SRSF9: variants seen among roughly 807,000 people sequenced by gnomAD.
The protein encoded by SRSF9 is serine/arginine-rich splicing factor 9.
A neutral mutation model predicts 25.9 loss-of-function variants in SRSF9; 3 were observed. The ratio of observed to expected loss-of-function variants is 0.12; its 90% CI spans 0.05 to 0.30. The LOEUF is 0.30. Among genes scored for constraint, SRSF9 ranks in the 10% least tolerant of loss-of-function variants. The probability of loss-of-function intolerance (pLI) is 1.00; values close to 1 mark genes in which losing one functional copy is unlikely to be tolerated. For synonymous variants in SRSF9, 114 were observed against 113.2 expected (o/e 1.01, Z -0.05); for missense variants, 161 against 303.5 (o/e 0.53, Z 3.49).
rs967973017 is a variant in SRSF9, at chr12:120,469,679, G to C, written c.-70C>G. 5.0e-5 allele frequency: 52 copies of C among 1,031,200 alleles called. No individual in the cohort carries two copies. The highest frequency in any genetic ancestry group is 6.0e-5 in the Non-Finnish European group (49 of 816,060). The allele number at this position is 1,031,200 out of a possible 1,614,324, so 63.9% of individuals were successfully genotyped here. A position where few individuals can be genotyped will look rare whatever the true frequency, so the allele number is the denominator to read the frequency against. The stretch of plus-strand genomic sequence containing the variant: ...CCGCCGCCTCAGCACGGGTCCCCCC[G>C]CAGCGTCCCCGCGGGCTCCGAGGCG... On this transcript the variant is annotated 5_prime_UTR_variant, in exon 1 of 4. Coordinates refer to ENST00000229390, the MANE Select transcript of SRSF9 (RefSeq NM_003769.3).
intron 1 of SRSF9, among the ~76,000 whole-genome samples, chr12:120,469,028 G>A (rs893664379): frequency 1.3e-5 from 2 of 152,152 alleles, no homozygotes; most frequent in East Asian, 3.9e-4. Flanking sequence ...CGGGCCGGGG[G>A]AGAGGCGAGC....
chr12:120,462,880 C>G (rs1878389788), intron 3 of SRSF9: 1 of 152,188 alleles, frequency 6.6e-6, no homozygotes, highest in Admixed American at 6.5e-5. Context: ...TGGAGTTACC[C>G]TTTCTGAGGC....
At chr12:120,469,365 G>A (rs1878579360) in intron 1 of SRSF9, 57 bp downstream of exon 1, 2 of 1,440,410 alleles carry the variant, frequency 1.4e-6, no homozygotes, top group Non-Finnish European at 1.9e-6. Context: ...GGGGACAGCA[G>A]GGAAGGCGGG....
chr12:120,466,599 G>A (rs1014128225), intron 1 of SRSF9, among the ~76,000 whole-genome samples: 4 of 152,104 alleles, frequency 2.6e-5, no homozygotes, highest in Admixed American at 2.0e-4. Context: ...TGCAGTGGCT[G>A]GAGCATAACT....
intron 2 of SRSF9, 169 bp from the exon 3 acceptor site, chr12:120,464,291 T>C: frequency 1.4e-6 from 1 of 721,354 alleles, no homozygotes. Context: ...CTGAAGTATG[T>C]GTGGTAAATG....
At chr12:120,465,832 T>C in intron 1 of SRSF9, 45 bp from the exon 2 acceptor site, 1 of 1,541,418 alleles carries the variant, frequency 6.5e-7, no homozygotes. Context: ...GAGTTAGTGC[T>C]GTTCAGGAGG....
At chr12:120,462,495 A>G in intron 3 of SRSF9, 1 of 200,380 alleles carries the variant, frequency 5.0e-6, no homozygotes, top group Non-Finnish European at 1.0e-5. Flanking sequence ...AAGAACTGGA[A>G]AGGATCTCAG....
At position 120,465,716 on chromosome 12, in the gene SRSF9, G is replaced by C; in HGVS notation, c.260C>G (p.Pro87Arg). 6.2e-7 allele frequency: 1 copy of C among 1,607,222 alleles called. No individual in the cohort carries two copies. The highest frequency in any genetic ancestry group is 8.5e-7 in the Non-Finnish European group (1 of 1,177,612). ...CCCACCCCGACCTCCATAAGTCCTG[G>C]GGAACTCCACACGAAGCCGACACTG... ...YGQCRLRVEF[P>R]RTYGGRGGWP... Residue 87 changes from proline (P) to arginine (R), a missense_variant, in exon 2 of 4, where the codon CCC (proline) becomes CGC (arginine). Pro to Arg is a moderately radical substitution (Grantham distance 103). This residue lies in a region of SRSF9 where 99 missense variants were observed against 156.7 expected (regional missense o/e 0.63). Transcript: ENST00000229390.
At position 120,464,141 on chromosome 12, in the gene SRSF9, A is replaced by T; in HGVS notation, c.350-19T>A. ...GGAAGTCCTAGGCATGGAGAACATA[A>T]GAAAGCCCACATCCTTCAGCTATGT... is the stretch of plus-strand genomic sequence containing the variant. On this transcript the variant is annotated intron_variant, in intron 2 of 3. Coordinates refer to ENST00000229390, the MANE Select transcript of SRSF9 (RefSeq NM_003769.3). 6.2e-7 allele frequency: 1 copy of T among 1,605,936 alleles called. No individual in the cohort carries two copies. Among genetic ancestry groups the T allele is most frequent in the Middle Eastern group, 1.7e-4 (1 of 5,852 alleles).
intron 1 of SRSF9, 47 bp downstream of exon 1, chr12:120,469,375 G>A (rs770271417): frequency 6.9e-5 from 102 of 1,483,138 alleles, no homozygotes; most frequent in Non-Finnish European, 8.5e-5. Context: ...GGGAAGGCGG[G>A]GGCCTCAGGC....
intron 1 of SRSF9, among the ~76,000 whole-genome samples, chr12:120,468,111 T>C (rs1457468291): frequency 8.8e-6 from 1 of 113,594 alleles, no homozygotes; most frequent in Non-Finnish European, 1.8e-5. Flanking sequence ...AAAAAAAAAA[T>C]AGTACCTACA....
intron 2 of SRSF9, chr12:120,465,309 T>C (rs917545198): frequency 2.1e-5 from 4 of 193,556 alleles, no homozygotes; most frequent in Admixed American, 1.2e-4. Context: ...CTTTCTACCA[T>C]GTCTGATGCC....
chr12:120,462,121 G>A lies in SRSF9; in HGVS notation c.564C>T (p.Thr188=), dbSNP rs756275363. Residue 188 remains threonine, a synonymous_variant, in exon 4 of 4, where the codon ACC becomes ACT. Transcript: ENST00000229390. ...ACCGAGACCGTGAGTAGCCATAGCT[G>A]GTGCTTCTCTCAGGATAAACTCGGA... ...SYIRVYPERS[T]SYGYSRSRSG... is the part of the protein sequence containing the mutation. The A allele has an allele frequency of 6.2e-7, 1 of 1,612,806 alleles. No individual in the cohort carries two copies. Among genetic ancestry groups the A allele is most frequent in the South Asian group, 1.1e-5 (1 of 90,988 alleles).
At chr12:120,467,870 G>A (rs1157648085) in intron 1 of SRSF9, among the ~76,000 whole-genome samples, 3 of 146,598 alleles carry the variant, frequency 2.0e-5, no homozygotes, top group Admixed American at 1.4e-4. Flanking sequence ...TGAGGTGGGT[G>A]GATCACTTGA....
chr12:120,465,852 T>G, intron 1 of SRSF9, 65 bp from the exon 2 acceptor site: 2 of 1,488,262 alleles, frequency 1.3e-6, no homozygotes, highest in Admixed American at 5.4e-5. Flanking sequence ...GCCAAGTGAC[T>G]TTCCAAGTGA....
intron 2 of SRSF9, chr12:120,465,190 CTT>C (rs1010461752): frequency 6.5e-6 from 1 of 153,398 alleles, no homozygotes; most frequent in South Asian, 2.0e-4. Flanking sequence ...CTCTAAGACT[CTT>C]AAGTTACGGG....
chr12:120,465,751 A>G lies in SRSF9; in HGVS notation c.225T>C (p.Tyr75=), dbSNP rs143556085. ...CACGAAGCCGACACTGGCCATAATC[A>G]TAACCATTTCTTCCATAAATAGCAT... ...AEDAIYGRNG[Y]DYGQCRLRVE... The change falls in exon 2 of 4, where the codon TAT becomes TAC. Residue 75 remains tyrosine, a synonymous_variant. Transcript: ENST00000229390. 23 of 1,598,844 alleles carry G rather than the reference A, an allele frequency of 1.4e-5. No individual in the cohort carries two copies. The highest frequency in any genetic ancestry group is 2.3e-5 in the East Asian group (1 of 44,256).
chr12:120,469,090 G>A (rs574983765), intron 1 of SRSF9, among the ~76,000 whole-genome samples: 1 of 152,248 alleles, frequency 6.6e-6, no homozygotes, highest in African/African-American at 2.4e-5. Flanking sequence ...TTCCCCCTAC[G>A]GTGCTGCCCC....
chr12:120,467,618 A>G (rs1042614885), intron 1 of SRSF9, among the ~76,000 whole-genome samples: 3 of 152,202 alleles, frequency 2.0e-5, no homozygotes, highest in African/African-American at 7.2e-5. Flanking sequence ...TGTGAACAGT[A>G]TGCCTATCTC....
Sources: allele counts gnomAD v4.1 joint callset (sites outside exome capture counted in the v4.1 genomes callset), GRCh38; gene constraint gnomAD v4.1.1; regional missense constraint gnomAD v4.1.1; transcripts MANE v1.5; gene names NCBI Gene and HGNC (gene_info 2026-07-23, HGNC 2026-07-21).